Variants in PRDM15 observed in about 807,000 individuals in gnomAD.
The protein encoded by PRDM15 is PR/SET domain 15.
Under a neutral mutation model 128.6 loss-of-function variants are expected in PRDM15, and 64 were observed. The observed-to-expected ratio is 0.50, with a 90% CI of 0.41 to 0.61. PRDM15 has a LOEUF of 0.61. PRDM15 is among the 20% of genes least tolerant of loss of function. The pLI is 0.00. For missense variants in PRDM15, 1,242 were observed against 1,569.1 expected (o/e 0.79, Z 3.52); for synonymous variants, 615 against 621.8 (o/e 0.99, Z 0.16).
chr21:41,854,687 G>A lies in PRDM15; in HGVS notation c.417C>T (p.Asp139=), dbSNP rs1364892891. 11 of 1,613,622 alleles carry A rather than the reference G, an allele frequency of 6.8e-6. No individual in the cohort carries two copies. Among genetic ancestry groups the A allele is most frequent in the East Asian group, 2.2e-5 (1 of 44,886 alleles). Residue 139 remains aspartate, a synonymous_variant, in exon 5 of 24, where the codon GAC becomes GAT. Transcript: ENST00000398548. This position sits in a 1 kb window ranked among gnomAD's most constrained non-coding sequence, Gnocchi z 4.6. The stretch of plus-strand genomic sequence containing the variant: ...TGTCTCTGGAGGTGGTGAAGTACAC[G>A]TCGCTGCCGTGCTGGTAGGCCGTCA... ...QNLTAYQHGS[D]VYFTTSRDIP... is the part of the protein sequence containing the mutation.
At chr21:41,815,098 T>C in intron 19 of PRDM15, 1 of 156,060 alleles carries the variant, frequency 6.4e-6, no homozygotes, top group South Asian at 1.8e-4. Flanking sequence ...CAGGCTGCTG[T>C]AGTGTTTTAT....
chr21:41,876,713 CT>C (rs1434278436), intron 1 of PRDM15, among the ~76,000 whole-genome samples: 1 of 152,222 alleles, frequency 6.6e-6, no homozygotes, highest in Non-Finnish European at 1.5e-5. Context: ...TACAGGGCCC[CT>C]GAATGCCTCA....
rs911772345 is a variant in PRDM15, at chr21:41,800,567, T to C, written c.*673A>G. 1 of 152,200 alleles carries C rather than the reference T, an allele frequency of 6.6e-6. No homozygotes were observed. The highest frequency in any genetic ancestry group is 1.5e-5 in the Non-Finnish European group (1 of 68,046). The allele number at this position is 152,200 out of a possible 1,614,324, so 9.4% of individuals were successfully genotyped here. A position where few individuals can be genotyped will look rare whatever the true frequency, so the allele number is the denominator to read the frequency against. On this transcript the variant is annotated 3_prime_UTR_variant, in exon 24 of 24. Coordinates refer to ENST00000398548, the MANE Select transcript of PRDM15 (RefSeq NM_001040424.3). ...TTCATGGATATTACTAAGATGCGTT[T>C]TGAGCTGGAGTCAGTGACCTCACGT...
rs1460743136 is a variant in PRDM15 at position 41,837,985 on chromosome 21, A to G, written c.950T>C (p.Leu317Pro). The change falls in exon 8 of 24, where the codon CTG becomes CCG. Residue 317 changes from leucine to proline, a missense_variant. Leu to Pro is a moderately conservative substitution (Grantham distance 98). Transcript: ENST00000398548. ...SATPDERIMELVLGKLATTTT... is the reference protein window; with the variant it reads ...SATPDERIMEPVLGKLATTTT... ...GGTGGTGGCCAGCTTCCCCAGAACC[A>G]GCTCCATGATCCGCTCATCTGGCGT... 3.1e-6 allele frequency: 5 copies of G among 1,614,224 alleles called. No homozygotes were observed. The highest frequency in any genetic ancestry group is 1.6e-4 in the Middle Eastern group (1 of 6,062).
At position 41,847,201 on chromosome 21, in the gene PRDM15, A is replaced by T; in HGVS notation, c.539-10T>A. 6.5e-7 allele frequency: 1 copy of T among 1,542,006 alleles called. No individual in the cohort carries two copies. Among genetic ancestry groups the T allele is most frequent in the Non-Finnish European group, 8.8e-7 (1 of 1,139,812 alleles). ...TCTGGGGTGCCTGCAGCTTCAAAAG[A>T]CATGAGAGGAGAAAAAGGTGACCCC... On this transcript the variant is annotated splice_polypyrimidine_tract_variant and intron_variant, in intron 5 of 23. Transcript: ENST00000398548.
rs552374862 is a variant in PRDM15, at chr21:41,808,853, A to T, written c.2652+1301T>A. Among the ~76,000 whole-genome samples, 8 of 152,336 alleles carry T rather than the reference A, an allele frequency of 5.3e-5. No individual in the cohort carries two copies. The East Asian group carries it at 1.4e-3, about 26-fold the overall frequency. On this transcript the variant is annotated intron_variant, in intron 21 of 23. Coordinates refer to ENST00000398548, the MANE Select transcript of PRDM15 (RefSeq NM_001040424.3). ...CTATCACTAATTGAATCACGTTCTT[A>T]TTGTAGGGTTGGAATAGGGGTTGGA...
intron 17 of PRDM15, 99 bp downstream of exon 17, chr21:41,819,996 C>T (rs1248659239): frequency 3.3e-5 from 34 of 1,030,050 alleles, no homozygotes; most frequent in South Asian, 9.6e-5. Flanking sequence ...AGGCAAGGTG[C>T]GACGGCTCTG....
chr21:41,805,825 A>T (rs1236422284), intron 21 of PRDM15, among the ~76,000 whole-genome samples: 1 of 139,404 alleles, frequency 7.2e-6, no homozygotes, highest in East Asian at 2.2e-4. Context: ...ACCATTACCA[A>T]CACCATCACC....
intron 13 of PRDM15, among the ~76,000 whole-genome samples, chr21:41,825,420 G>A (rs766520074): frequency 2.0e-5 from 3 of 152,222 alleles, no homozygotes; most frequent in African/African-American, 7.2e-5. Flanking sequence ...TGCAGCCCTC[G>A]GATGGATGTG....
At chr21:41,838,207 A>G (rs926143137) in intron 7 of PRDM15, 144 bp from the exon 8 acceptor site, 4 of 809,204 alleles carry the variant, frequency 4.9e-6, no homozygotes, top group African/African-American at 3.4e-5. Context: ...AGGGGAAAAA[A>G]AAAACTGTCA....
intron 12 of PRDM15, among the ~76,000 whole-genome samples, chr21:41,826,880 AGAC>A (rs2146457857): frequency 6.6e-6 from 1 of 152,332 alleles, no homozygotes; most frequent in East Asian, 1.9e-4. Flanking sequence ...CTCCCACAGA[AGAC>A]GACCCGAGTT....
chr21:41,857,371 A>C (rs1257264605), intron 3 of PRDM15, 42 bp from the exon 4 acceptor site: 1 of 1,606,114 alleles, frequency 6.2e-7, no homozygotes, highest in Admixed American at 1.7e-5. Context: ...GAGCACTCAC[A>C]CCCAGGGACC....
At chr21:41,801,908 T>C (rs527704843) in intron 23 of PRDM15, among the ~76,000 whole-genome samples, 186 bp from the exon 24 acceptor site, 27 of 151,986 alleles carry the variant, frequency 1.8e-4, no homozygotes, top group African/African-American at 6.5e-4. Context: ...ACAGACACAA[T>C]CATGAAAGCA....
rs540928980 is a variant in PRDM15, at chr21:41,861,535, C to CT, written c.-9-1164_-9-1163insA. On this transcript the variant is annotated intron_variant, in intron 1 of 23. Coordinates refer to ENST00000398548, the MANE Select transcript of PRDM15 (RefSeq NM_001040424.3). ...CCACCAAATGATTATTCCTCCTCTG[C>CT]CCCCCCCCAATCCCCAACTGTGCGC... 7.4e-5 allele frequency: 100 copies of CT among 1,347,322 alleles called. 1 individual carries two copies. In the South Asian group the frequency reaches 1.1e-3, roughly 15 times the overall value. The allele number at this position is 1,347,322 out of a possible 1,614,324, so 83.5% of individuals were successfully genotyped here. A position where few individuals can be genotyped will look rare whatever the true frequency, so the allele number is the denominator to read the frequency against.
chr21:41,838,669 C>T (rs1179950875), intron 7 of PRDM15, among the ~76,000 whole-genome samples: 2 of 152,216 alleles, frequency 1.3e-5, no homozygotes, highest in Non-Finnish European at 2.9e-5. Flanking sequence ...TTCCCCCGCC[C>T]CCATCTTCTC....
intron 14 of PRDM15, among the ~76,000 whole-genome samples, chr21:41,822,895 C>T (rs1398144001): frequency 6.6e-6 from 1 of 152,090 alleles, no homozygotes. Flanking sequence ...ATTAGCTGGA[C>T]ATTATGGTGG....
chr21:41,836,081 G>A, intron 10 of PRDM15, 32 bp downstream of exon 10: 1 of 1,500,410 alleles, frequency 6.7e-7, no homozygotes, highest in South Asian at 1.1e-5. Flanking sequence ...CCACACAACT[G>A]GGAAGAGAAC....
chr21:41,807,210 GCTTT>G (rs1187144258), intron 21 of PRDM15, among the ~76,000 whole-genome samples: 1 of 152,206 alleles, frequency 6.6e-6, no homozygotes, highest in Non-Finnish European at 1.5e-5. Flanking sequence ...AGTGAAAATT[GCTTT>G]CTGTGTTTTG....
At chr21:41,876,487 T>G (rs1304982308) in intron 1 of PRDM15, among the ~76,000 whole-genome samples, 1 of 152,174 alleles carries the variant, frequency 6.6e-6, no homozygotes, top group Admixed American at 6.5e-5. Flanking sequence ...TGAACACCGC[T>G]GGTGTAGAGG....
Sources: allele counts gnomAD v4.1 joint callset (sites outside exome capture counted in the v4.1 genomes callset), GRCh38; gene constraint gnomAD v4.1.1; non-coding constraint Gnocchi (gnomAD v3.1); transcripts MANE v1.5; gene names NCBI Gene and HGNC (gene_info 2026-07-23, HGNC 2026-07-21).